XCR1: variants seen among roughly 807,000 people sequenced by gnomAD.
XCR1 encodes chemokine XC receptor 1.
For missense variants in XCR1, 356 were observed against 424.2 expected, an observed-to-expected ratio of 0.84 and a Z score of 1.41; for synonymous variants, 187 against 188.5, an observed-to-expected ratio of 0.99 and a Z score of 0.06.
rs1196477144 is a variant in XCR1, at chr3:46,019,439, A to G, written c.*1507T>C. The G allele has an allele frequency of 6.6e-6, 1 of 152,200 alleles. No individual in the cohort carries two copies. Among genetic ancestry groups the G allele is most frequent in the Non-Finnish European group, 1.5e-5 (1 of 68,032 alleles). The allele number at this position is 152,200 out of a possible 1,614,324, so 9.4% of individuals were successfully genotyped here. ...GACATTGCATGTGTGTAACTACAAC[A>G]CAAGGTTGTTTTATTTTAGAGGGGA... On this transcript the variant is annotated 3_prime_UTR_variant, in exon 2 of 2. Transcript: ENST00000309285.
In XCR1 at chr3:46,021,390, G is replaced by C. The variant is rs758777371; in HGVS notation, c.558C>G (p.Ser186=). 7 of 1,614,064 alleles carry C rather than the reference G, an allele frequency of 4.3e-6. No homozygotes were observed. The Admixed American group carries it at 6.7e-5, about 15-fold the overall frequency. The change falls in exon 2 of 2, where the codon TCC becomes TCG. Residue 186 remains serine (S), a synonymous_variant. Coordinates refer to ENST00000309285, the MANE Select transcript of XCR1 (RefSeq NM_001024644.2). This position sits in a 1 kb window ranked among gnomAD's most constrained non-coding sequence, Gnocchi z 4.7. ...GGAAGAAGAGGTTGTGCTGGTAGAC[G>C]GAGGTGAGGTACCACGTGAGTTCGG... ...DYSELTWYLT[S]VYQHNLFFLL...
upstream of XCR1, among the ~76,000 whole-genome samples, chr3:46,031,865 C>G (rs1272119685): frequency 1.3e-5 from 2 of 152,164 alleles, no homozygotes; most frequent in East Asian, 1.9e-4. Flanking sequence ...GCTACCCACT[C>G]TAGGGCCTCC....
chr3:46,023,380 G>T (rs1708207026), intron 1 of XCR1: 1 of 1,450,202 alleles, frequency 6.9e-7, no homozygotes, highest in African/African-American at 1.4e-5. Context: ...CAAATACGAA[G>T]AGGCGATTTC....
At chr3:46,046,251 G>T (rs1172691978) in intron 5 of XCR1, among the ~76,000 whole-genome samples, 1 of 152,170 alleles carries the variant, frequency 6.6e-6, no homozygotes, top group Non-Finnish European at 1.5e-5. Flanking sequence ...GGGTCAGGGG[G>T]CACCTTGCCT....
At chr3:46,022,335 C>T (rs1202170042) in intron 1 of XCR1, 1 of 169,238 alleles carries the variant, frequency 5.9e-6, no homozygotes, top group African/African-American at 2.4e-5. Context: ...AAAAAGATGC[C>T]AGACTCTTAG....
At chr3:46,022,142 A>C (rs1254717494) in intron 1 of XCR1, 164 bp from the exon 2 acceptor site, 1 of 587,230 alleles carries the variant, frequency 1.7e-6, no homozygotes, top group East Asian at 3.0e-5. Flanking sequence ...CTCTACAAAA[A>C]ATTTAAAAAT....
intron 1 of XCR1, chr3:46,023,195 T>TC (rs1708197066): frequency 2.1e-6 from 1 of 470,170 alleles, no homozygotes; most frequent in African/African-American, 2.1e-5. Flanking sequence ...AGATTGTTGC[T>TC]CCCTCTGCGC....
At chr3:46,059,711 A>G (rs6766332) in intron 4 of XCR1, among the ~76,000 whole-genome samples, 107,437 of 152,180 alleles carry the variant, frequency 0.71, 38,777 homozygotes, top group East Asian at 0.94. Flanking sequence ...CTGAATACTC[A>G]TGACCAATGT....
At chr3:46,067,398 G>T (rs1263306557) in intron 3 of XCR1, among the ~76,000 whole-genome samples, 1 of 152,144 alleles carries the variant, frequency 6.6e-6, no homozygotes, top group Non-Finnish European at 1.5e-5. Context: ...TGAGGTGCAT[G>T]GTGTAAGAGG....
chr3:46,081,686 CTTTTTTTCTTTTT>C (rs1410186194), intron 1 of XCR1, among the ~76,000 whole-genome samples: 1 of 138,464 alleles, frequency 7.2e-6, no homozygotes, highest in Non-Finnish European at 1.5e-5. Flanking sequence ...TATTCCTTTT[CTTTTTTTCTTTTT>C]TTTTTTTAAA....
In XCR1 at chr3:46,021,324, G is replaced by T. The variant is rs922608630; in HGVS notation, c.624C>A (p.Ile208=). Residue 208 remains isoleucine, a synonymous_variant, in exon 2 of 2, where the codon ATC becomes ATA. Transcript: ENST00000309285. This position sits in a 1 kb window ranked among gnomAD's most constrained non-coding sequence, Gnocchi z 4.7. The part of the protein sequence containing the change: ...LGIILFCYVE[I]LRTLFRSRSK... ...AGCGTGAGCGGAACAGGGTCCTGAG[G>T]ATCTCCACGTAGCAGAACAGGATAA... The T allele has an allele frequency of 1.2e-6, 2 of 1,614,204 alleles. No homozygotes were observed. The highest frequency in any genetic ancestry group is 1.3e-5 in the African/African-American group (1 of 75,050).
At chr3:46,066,987 CAG>C (rs139166285) in intron 3 of XCR1, among the ~76,000 whole-genome samples, 34,427 of 152,058 alleles carry the variant, frequency 0.23, 4,027 homozygotes, top group Middle Eastern at 0.33. Context: ...ACCTGCAGTA[CAG>C]AGTCAGACCT....
Position 46,020,901 on chromosome 3 carries a change from C to A in XCR1, c.*45G>T. On this transcript the variant is annotated 3_prime_UTR_variant, in exon 2 of 2. Coordinates refer to ENST00000309285, the MANE Select transcript of XCR1 (RefSeq NM_001024644.2). The stretch of plus-strand genomic sequence containing the variant: ...GCCCGCTTCTCCATGACCCCCATTC[C>A]AGTCCCTGTCCACCTGCACCTGCGC... The A allele has an allele frequency of 1.3e-6, 2 of 1,581,604 alleles. No individual in the cohort carries two copies. Among genetic ancestry groups the A allele is most frequent in the East Asian group, 2.3e-5 (1 of 44,410 alleles).
intron 3 of XCR1, among the ~76,000 whole-genome samples, chr3:46,068,506 T>C (rs986680506): frequency 6.6e-6 from 1 of 152,120 alleles, no homozygotes; most frequent in African/African-American, 2.4e-5. Context: ...GATAGAGCAG[T>C]GATGGTGGGA....
intron 4 of XCR1, among the ~76,000 whole-genome samples, chr3:46,055,652 G>T (rs187965655): frequency 5.4e-4 from 82 of 152,228 alleles, no homozygotes; most frequent in Admixed American, 4.5e-3. Flanking sequence ...CCGGTGTCTT[G>T]GTGTACTGAC....
At chr3:46,067,836 C>T (rs963652054) in intron 3 of XCR1, among the ~76,000 whole-genome samples, 1 of 151,926 alleles carries the variant, frequency 6.6e-6, no homozygotes, top group East Asian at 1.9e-4. Flanking sequence ...GGCCAGCAAA[C>T]GAGAAACTCA....
intron 1 of XCR1, among the ~76,000 whole-genome samples, chr3:46,078,412 T>C (rs961075385): frequency 6.6e-6 from 1 of 152,162 alleles, no homozygotes; most frequent in Non-Finnish European, 1.5e-5. Context: ...ATCTGGGCCT[T>C]TCCCATTTTT....
At chr3:46,042,799 G>C (rs1343512697) in intron 5 of XCR1, among the ~76,000 whole-genome samples, 1 of 152,134 alleles carries the variant, frequency 6.6e-6, no homozygotes, top group Admixed American at 6.5e-5. Flanking sequence ...TTGAAGAGAA[G>C]GGAACAGTTC....
intron 5 of XCR1, among the ~76,000 whole-genome samples, chr3:46,049,921 G>A (rs1697707457): frequency 6.6e-6 from 1 of 152,176 alleles, no homozygotes; most frequent in Non-Finnish European, 1.5e-5. Flanking sequence ...CTTGTTGCTG[G>A]GAGTCTACAG....
Sources: allele counts gnomAD v4.1 joint callset (sites outside exome capture counted in the v4.1 genomes callset), GRCh38; gene constraint gnomAD v4.1.1; non-coding constraint Gnocchi (gnomAD v3.1); transcripts MANE v1.5; gene names NCBI Gene and HGNC (gene_info 2026-07-23, HGNC 2026-07-21).